The following SPDYE12 variants were observed in gnomAD, a reference collection of about 807,000 sequenced individuals.
SPDYE12 encodes the protein speedy/RINGO cell cycle regulator family member E12.
chr7:74,909,053 C>CTTTTTTTTTTTTTTTTTTTTTTTT, the SPDYE12 span, among the ~76,000 whole-genome samples: 1 of 46,272 alleles, frequency 2.2e-5, no homozygotes, highest in African/African-American at 7.1e-5. Flanking sequence ...TTTTTTTTGG[C>CTTTTTTTTTTTTTTTTTTTTTTTT]TTTTTTTTTT....
At chr7:74,909,045 T>C in the SPDYE12 span, among the ~76,000 whole-genome samples, 1 of 143,550 alleles carries the variant, frequency 7.0e-6, no homozygotes, top group African/African-American at 2.6e-5. Context: ...TTTTTTTTTT[T>C]TTTTTGGCTT....
chr7:74,907,598 G>A, the SPDYE12 span, among the ~76,000 whole-genome samples: 4 of 150,480 alleles, frequency 2.7e-5, no homozygotes, highest in Non-Finnish European at 5.9e-5. Flanking sequence ...CTGGTGCGGT[G>A]GCACACCCAT....
At chr7:74,910,071 A>G in the SPDYE12 span, among the ~76,000 whole-genome samples, 1 of 149,318 alleles carries the variant, frequency 6.7e-6, no homozygotes, top group South Asian at 2.1e-4. Context: ...CTGACAAATC[A>G]TAAAAAGACA....
chr7:74,914,306 CTT>C, the SPDYE12 span, among the ~76,000 whole-genome samples: 13 of 20,128 alleles, frequency 6.5e-4, no homozygotes, highest in Non-Finnish European at 1.1e-3. Flanking sequence ...AATCCCATCT[CTT>C]TGGGTGGCCA....
the SPDYE12 span, among the ~76,000 whole-genome samples, chr7:74,908,971 G>C: frequency 7.0e-6 from 1 of 143,018 alleles, no homozygotes; most frequent in Admixed American, 7.1e-5. Flanking sequence ...GTGAGCCACC[G>C]CACCTGGCCT....
chr7:74,907,769 A>C, the SPDYE12 span, among the ~76,000 whole-genome samples: 1 of 142,136 alleles, frequency 7.0e-6, no homozygotes. Context: ...AAATAAATAA[A>C]TAACTGTCCA....
At chr7:74,908,899 T>C in the SPDYE12 span, among the ~76,000 whole-genome samples, 4 of 149,764 alleles carry the variant, frequency 2.7e-5, no homozygotes, top group African/African-American at 4.9e-5. Flanking sequence ...GCCAGGATGG[T>C]CTTGCTCTCC....
At chr7:74,911,019 G>T in the SPDYE12 span, 8 of 720,834 alleles carry the variant, frequency 1.1e-5, no homozygotes, top group South Asian at 1.2e-4. Flanking sequence ...GGGTGAGGTG[G>T]ATGGGAGAGG....
chr7:74,915,010 C>T, the SPDYE12 span, among the ~76,000 whole-genome samples: 1 of 151,548 alleles, frequency 6.6e-6, no homozygotes, highest in African/African-American at 2.4e-5. Context: ...TCCTAGGAGT[C>T]TCTCGCTCAT....
chr7:74,904,576 C>A, the SPDYE12 span, among the ~76,000 whole-genome samples: 1 of 151,440 alleles, frequency 6.6e-6, no homozygotes, highest in African/African-American at 2.4e-5. Context: ...TAGATAAAAA[C>A]CATGCTCCCC....
chr7:74,908,736 C>T, the SPDYE12 span, among the ~76,000 whole-genome samples: 2 of 119,000 alleles, frequency 1.7e-5, no homozygotes, highest in African/African-American at 3.2e-5. Context: ...TGCAGTGGTG[C>T]GATCTCGGCT....
chr7:74,907,873 G>T, the SPDYE12 span, among the ~76,000 whole-genome samples: 1 of 148,466 alleles, frequency 6.7e-6, no homozygotes, highest in African/African-American at 2.5e-5. Flanking sequence ...GGTGAGCTAT[G>T]ATCTCACCAC....
chr7:74,904,751 G>A, the SPDYE12 span, among the ~76,000 whole-genome samples: 34 of 149,614 alleles, frequency 2.3e-4, no homozygotes, highest in African/African-American at 7.1e-4. Context: ...AAAAATACCA[G>A]TATTTCCAAA....
the SPDYE12 span, among the ~76,000 whole-genome samples, chr7:74,908,848 A>ATT: frequency 2.1e-5 from 3 of 139,798 alleles, no homozygotes; most frequent in Non-Finnish European, 4.7e-5. Flanking sequence ...TAATTTTTGT[A>ATT]TTTTTTTTTT....
At chr7:74,914,917 A>G in the SPDYE12 span, among the ~76,000 whole-genome samples, 1 of 105,134 alleles carries the variant, frequency 9.5e-6, no homozygotes, top group Non-Finnish European at 2.2e-5. Context: ...GAGCAAAACT[A>G]CATCTCAAAA....
At chr7:74,909,451 G>C in the SPDYE12 span, 1 of 977,304 alleles carries the variant, frequency 1.0e-6, no homozygotes. Context: ...TAAATGAAAG[G>C]CTGGAATCCC....
At chr7:74,914,936 CAAAAAAA>C in the SPDYE12 span, among the ~76,000 whole-genome samples, 3 of 94,578 alleles carry the variant, frequency 3.2e-5, no homozygotes, top group Admixed American at 3.8e-4. Flanking sequence ...AAAAAAAAAA[CAAAAAAA>C]AAACAAAAAG....
chr7:74,908,064 C>T, the SPDYE12 span, among the ~76,000 whole-genome samples: 8 of 150,556 alleles, frequency 5.3e-5, no homozygotes, highest in South Asian at 8.4e-4. Context: ...TGGAGAGCTA[C>T]GGGCATGCAG....
At chr7:74,914,958 T>G in the SPDYE12 span, among the ~76,000 whole-genome samples, 50 of 149,482 alleles carry the variant, frequency 3.3e-4, no homozygotes, top group Non-Finnish European at 6.4e-4. Context: ...AAAAAGAACC[T>G]GTGGATGAGT....
Sources: allele counts gnomAD v4.1 joint callset (sites outside exome capture counted in the v4.1 genomes callset), GRCh38; gene constraint gnomAD v4.1.1; transcripts MANE v1.5; gene names NCBI Gene and HGNC (gene_info 2026-07-23, HGNC 2026-07-21).